Variants in GNG7 observed in about 807,000 individuals in gnomAD.
The protein encoded by GNG7 is G protein subunit gamma 7.
A neutral mutation model predicts 4.0 loss-of-function variants in GNG7; 1 was observed. That is an observed-to-expected ratio of 0.25 (90% CI 0.09 to 1.18). The LOEUF is 1.18. Ranked by LOEUF, GNG7 falls within the 50% of genes most tolerant of loss-of-function variation. The pLI, the probability that GNG7 is intolerant of heterozygous loss-of-function variation, is 0.50. For synonymous variants in GNG7, 34 were observed against 36.9 expected (o/e 0.92, Z 0.29); for missense variants, 86 against 91.9 (o/e 0.94, Z 0.26).
At chr19:2,595,787 C>T (rs990731168) in intron 2 of GNG7, among the ~76,000 whole-genome samples, 82 of 151,686 alleles carry the variant, frequency 5.4e-4, no homozygotes, top group African/African-American at 1.8e-3. Context: ...AGCTCAGGAC[C>T]GCCAATGTAC....
chr19:2,524,927 A>T (rs8112435), intron 3 of GNG7, among the ~76,000 whole-genome samples: 4 of 151,764 alleles, frequency 2.6e-5, no homozygotes, highest in Non-Finnish European at 5.9e-5. Flanking sequence ...TGCGCACGGG[A>T]GTGCATGTGG....
chr19:2,662,848 C>T (rs1983214723), intron 1 of GNG7, among the ~76,000 whole-genome samples: 1 of 152,150 alleles, frequency 6.6e-6, no homozygotes. Context: ...CCCTCTCATC[C>T]TGCCTTGATC....
At chr19:2,555,702 G>A (rs1979520028) in intron 2 of GNG7, among the ~76,000 whole-genome samples, 2 of 152,242 alleles carry the variant, frequency 1.3e-5, no homozygotes, top group South Asian at 4.2e-4. Flanking sequence ...CAGGAAGGCC[G>A]GGGGTCTCAT....
chr19:2,679,807 C>T (rs1983685989), intron 1 of GNG7, among the ~76,000 whole-genome samples: 1 of 152,178 alleles, frequency 6.6e-6, no homozygotes, highest in Non-Finnish European at 1.5e-5. Context: ...ACTCCAGGCA[C>T]CAGGTAGCAC....
At chr19:2,575,784 G>A (rs1250752846) in intron 2 of GNG7, among the ~76,000 whole-genome samples, 3 of 107,610 alleles carry the variant, frequency 2.8e-5, no homozygotes, top group East Asian at 2.6e-4. Flanking sequence ...GGCACATGCA[G>A]ACACGCAGGC....
At chr19:2,560,161 C>T (rs909397305) in intron 2 of GNG7, among the ~76,000 whole-genome samples, 2 of 152,130 alleles carry the variant, frequency 1.3e-5, no homozygotes, top group African/African-American at 2.4e-5. Context: ...GAAAGTACCC[C>T]AGGCATTGAT....
At chr19:2,561,873 C>G (rs770315409) in intron 2 of GNG7, among the ~76,000 whole-genome samples, 2 of 151,986 alleles carry the variant, frequency 1.3e-5, no homozygotes, top group Non-Finnish European at 2.9e-5. Context: ...AAGAGCAAAA[C>G]TCTGTCTAAA....
chr19:2,654,168 G>A (rs1271402732), intron 1 of GNG7, among the ~76,000 whole-genome samples: 1 of 152,114 alleles, frequency 6.6e-6, no homozygotes, highest in African/African-American at 2.4e-5. Flanking sequence ...GGCCGGCTGG[G>A]GAGGAGAGGC....
chr19:2,586,138 C>T (rs1234071032), intron 2 of GNG7, among the ~76,000 whole-genome samples: 1 of 152,212 alleles, frequency 6.6e-6, no homozygotes, highest in Non-Finnish European at 1.5e-5. Flanking sequence ...GGAACTCTCA[C>T]CCCCTTTGTA....
chr19:2,529,076 GC>G, intron 3 of GNG7, among the ~76,000 whole-genome samples: 1 of 152,316 alleles, frequency 6.6e-6, no homozygotes, highest in Admixed American at 6.5e-5. Flanking sequence ...AATTGCAACA[GC>G]CCCCCACCGC....
chr19:2,680,209 G>A (rs1169514660), intron 1 of GNG7, among the ~76,000 whole-genome samples: 1 of 143,042 alleles, frequency 7.0e-6, no homozygotes, highest in Non-Finnish European at 1.5e-5. Context: ...GTGCAGTTGT[G>A]CGATCTCGGC....
Position 2,584,915 on chromosome 19 carries a change from AGAAG to A in GNG7, c.-77-29731_-77-29728del, listed in dbSNP as rs1266768801. Among the ~76,000 whole-genome samples, 95 of 11,800 alleles carry A rather than the reference AGAAG, an allele frequency of 8.1e-3. 1 individual carries two copies. The highest frequency in any genetic ancestry group is 0.019 in the Admixed American group (18 of 966). The allele number at this position is 11,800 out of a possible 152,430, so 7.7% of individuals were successfully genotyped here. A position where few individuals can be genotyped will look rare whatever the true frequency, so the allele number is the denominator to read the frequency against. On this transcript the variant is annotated intron_variant, in intron 2 of 4. Coordinates refer to ENST00000382159, the MANE Select transcript of GNG7 (RefSeq NM_052847.3). ...GGGAGGGAGGGAAGGAAGGAAGGAA[AGAAG>A]GAAGGAAGGAAGGAGGGAGGGAGGG...
In GNG7 at chr19:2,512,357, A is replaced by T; in HGVS notation, c.*2665T>A. On this transcript the variant is annotated 3_prime_UTR_variant, in exon 5 of 5. Transcript: ENST00000382159. This position sits in a 1 kb window ranked among gnomAD's most constrained non-coding sequence, Gnocchi z 4.7. ...TGGTCACTGAAGTCTACTCAAGAAAAAAAAAAGTGGAGAATTTTTTTTTTA... is the reference window on the plus strand; with the variant it reads ...TGGTCACTGAAGTCTACTCAAGAAATAAAAAAGTGGAGAATTTTTTTTTTA... 1 of 985,728 alleles carries T rather than the reference A, an allele frequency of 1.0e-6. No individual in the cohort carries two copies. The highest frequency in any genetic ancestry group is 1.2e-6 in the Non-Finnish European group (1 of 829,904). The allele number at this position is 985,728 out of a possible 1,614,324, so 61.1% of individuals were successfully genotyped here. A position where few individuals can be genotyped will look rare whatever the true frequency, so the allele number is the denominator to read the frequency against.
intron 2 of GNG7, among the ~76,000 whole-genome samples, chr19:2,645,963 G>A (rs751854042): frequency 2.0e-5 from 3 of 152,088 alleles, no homozygotes; most frequent in Non-Finnish European, 4.4e-5. Context: ...TTCCCACCCT[G>A]ACCCCATCCA....
intron 2 of GNG7, among the ~76,000 whole-genome samples, chr19:2,627,390 C>T (rs1052669524): frequency 2.0e-5 from 3 of 152,122 alleles, no homozygotes; most frequent in African/African-American, 7.2e-5. Context: ...TCCAGGGGCA[C>T]CCAGAGTGGG....
intron 2 of GNG7, among the ~76,000 whole-genome samples, chr19:2,565,519 A>C (rs1175478611): frequency 3.5e-5 from 5 of 144,346 alleles, no homozygotes; most frequent in Non-Finnish European, 7.9e-5. Flanking sequence ...CTCAAAAAAA[A>C]AAAAACAAAA....
chr19:2,699,981 C>G (rs965788653), intron 1 of GNG7, among the ~76,000 whole-genome samples: 16 of 152,230 alleles, frequency 1.1e-4, no homozygotes, highest in Admixed American at 6.5e-4. Context: ...TTGAGACTCT[C>G]CTGCCACCAG....
At chr19:2,700,771 G>C (rs955993677) in intron 1 of GNG7, 2 of 152,230 alleles carry the variant, frequency 1.3e-5, no homozygotes, top group Non-Finnish European at 2.9e-5. Context: ...AATCCGCAGC[G>C]AGAGGCTGGG....
intron 1 of GNG7, among the ~76,000 whole-genome samples, chr19:2,655,296 C>G (rs1235664337): frequency 6.6e-6 from 1 of 151,812 alleles, no homozygotes; most frequent in East Asian, 1.9e-4. Context: ...TAAAGACACG[C>G]AGGCAGCCAA....
Sources: allele counts gnomAD v4.1 joint callset (sites outside exome capture counted in the v4.1 genomes callset), GRCh38; gene constraint gnomAD v4.1.1; non-coding constraint Gnocchi (gnomAD v3.1); transcripts MANE v1.5; gene names NCBI Gene and HGNC (gene_info 2026-07-23, HGNC 2026-07-21).